GUCD1: variants seen among roughly 807,000 people sequenced by gnomAD.
GUCD1 encodes protein GUCD1.
Under a neutral mutation model 28.3 loss-of-function variants are expected in GUCD1, and 17 were observed. That is an observed-to-expected ratio of 0.60 (90% CI 0.41 to 0.90). The LOEUF (loss-of-function observed/expected upper bound fraction) is 0.90, where lower values mean the gene tolerates loss of function less well. Among genes scored for constraint, GUCD1 ranks in the 40% least tolerant of loss-of-function variants. The probability of loss-of-function intolerance (pLI) is 0.00; values close to 1 mark genes in which losing one functional copy is unlikely to be tolerated. For missense variants in GUCD1, 279 were observed against 305.5 expected, an observed-to-expected ratio of 0.91 and a Z score of 0.65; for synonymous variants, 129 against 123.3, an observed-to-expected ratio of 1.05 and a Z score of -0.30.
At chr22:24,549,660 G>A (rs559982218) in intron 1 of GUCD1, among the ~76,000 whole-genome samples, 1 of 152,218 alleles carries the variant, frequency 6.6e-6, no homozygotes, top group Non-Finnish European at 1.5e-5. Context: ...GTCCACAGGC[G>A]TGCGCCACCA....
At chr22:24,543,490 G>A (rs1402854922) in intron 5 of GUCD1, among the ~76,000 whole-genome samples, 3 of 152,164 alleles carry the variant, frequency 2.0e-5, no homozygotes, top group African/African-American at 4.8e-5. Context: ...GGGTCTGGCC[G>A]GGCTTTTCTT....
chr22:24,551,978 C>T (rs2044887460), intron 1 of GUCD1, among the ~76,000 whole-genome samples: 1 of 152,210 alleles, frequency 6.6e-6, no homozygotes, highest in African/African-American at 2.4e-5. Flanking sequence ...TATAAAAGGG[C>T]TGGAGGAAAC....
chr22:24,547,101 C>G (rs1162741884), intron 3 of GUCD1, 96 bp from the exon 4 acceptor site: 8 of 974,316 alleles, frequency 8.2e-6, no homozygotes, highest in Non-Finnish European at 1.3e-5. Flanking sequence ...GAGGCAGAGA[C>G]AGCAGGAGGG....
intron 4 of GUCD1, 77 bp from the exon 5 acceptor site, chr22:24,544,160 T>G: frequency 6.5e-7 from 1 of 1,545,470 alleles, no homozygotes; most frequent in South Asian, 1.2e-5. Context: ...TGCTTGTGCC[T>G]GTTTCTCTGT....
rs1168456548 is a variant in GUCD1, at chr22:24,542,722, C to T, written c.*284G>A. The T allele has an allele frequency of 7.4e-6, 3 of 407,838 alleles. No homozygotes were observed. The highest frequency in any genetic ancestry group is 4.7e-5 in the South Asian group (2 of 42,232). The allele number at this position is 407,838 out of a possible 1,614,324, so 25.3% of individuals were successfully genotyped here. ...GGCTCAAAGGCAACAAGGGCACTGT[C>T]GGGACTGGACTTCCTGTGGGCGCAG... On this transcript the variant is annotated 3_prime_UTR_variant, in exon 6 of 6. Transcript: ENST00000435822.
At chr22:24,547,155 C>T in intron 3 of GUCD1, 150 bp from the exon 4 acceptor site, 1 of 638,602 alleles carries the variant, frequency 1.6e-6, no homozygotes, top group Non-Finnish European at 2.8e-6. Context: ...ATGCAGCAAG[C>T]CAGATCAGAA....
chr22:24,553,893 GT>G (rs1369974843), intron 1 of GUCD1, among the ~76,000 whole-genome samples: 1 of 152,360 alleles, frequency 6.6e-6, no homozygotes, highest in East Asian at 1.9e-4. Flanking sequence ...CTTGGCATCT[GT>G]CCCCATAACA....
chr22:24,552,371 C>A (rs2044899327), intron 1 of GUCD1, among the ~76,000 whole-genome samples: 2 of 152,208 alleles, frequency 1.3e-5, no homozygotes. Context: ...TATAGAAGCA[C>A]AAATGAACTG....
In GUCD1 at chr22:24,554,988, T is replaced by C. The variant is rs765526621; in HGVS notation, c.4A>G (p.Arg2Gly). M[R>G]TEAEAAGPPL... ...GGCCCCGCTGCCTCCGCCTCCGTCC[T>C]CATGACCCGGGCGGCGCGGGGCGCC... is the stretch of plus-strand genomic sequence containing the variant. The change falls in exon 1 of 6, where the codon AGG becomes GGG. Residue 2 changes from arginine (R) to glycine (G), a missense_variant. Arg to Gly is a moderately radical substitution (Grantham distance 125). Coordinates refer to ENST00000435822, the MANE Select transcript of GUCD1 (RefSeq NM_001284254.2). 4 of 1,535,338 alleles carry C rather than the reference T, an allele frequency of 2.6e-6. No individual in the cohort carries two copies. The highest frequency in any genetic ancestry group is 2.9e-5 in the African/African-American group (2 of 68,800).
intron 1 of GUCD1, among the ~76,000 whole-genome samples, chr22:24,549,555 A>G (rs929888763): frequency 6.6e-6 from 1 of 152,108 alleles, no homozygotes; most frequent in Non-Finnish European, 1.5e-5. Context: ...TCTGTCGCAC[A>G]GGCTGGAGTG....
intron 1 of GUCD1, among the ~76,000 whole-genome samples, chr22:24,550,335 A>G (rs2044839315): frequency 6.6e-6 from 1 of 152,192 alleles, no homozygotes. Flanking sequence ...ACATAGCAAA[A>G]TAGAGGCCTA....
chr22:24,543,061 G>A lies in GUCD1; in HGVS notation c.665C>T (p.Ala222Val). 6.2e-7 allele frequency: 1 copy of A among 1,614,012 alleles called. No homozygotes were observed. The highest frequency in any genetic ancestry group is 8.5e-7 in the Non-Finnish European group (1 of 1,179,894). ...CTCATCTGTGCCATAGCTGGTTCTG[G>A]CCTCCTCAAAGTTACTGATGCTGGT... ...CSTSISNFEE[A>V]RTSYGTDEDI... Residue 222 changes from alanine to valine, a missense_variant, in exon 6 of 6, where the codon GCC becomes GTC. Physicochemically the swap from Ala to Val is moderately conservative, Grantham distance 64. Transcript: ENST00000435822.
intron 5 of GUCD1, 79 bp from the exon 6 acceptor site, chr22:24,543,176 A>T (rs2044637031): frequency 4.0e-6 from 4 of 1,011,442 alleles, no homozygotes; most frequent in South Asian, 2.6e-5. Context: ...TGCCCAGGGG[A>T]GCTGAGTGAG....
chr22:24,549,038 G>C, intron 1 of GUCD1, 37 bp from the exon 2 acceptor site: 1 of 1,457,648 alleles, frequency 6.9e-7, no homozygotes, highest in Non-Finnish European at 9.4e-7. Context: ...GACCCTCAGC[G>C]CAGAGCCCAC....
At chr22:24,552,264 C>T (rs1308581221) in intron 1 of GUCD1, among the ~76,000 whole-genome samples, 3 of 151,946 alleles carry the variant, frequency 2.0e-5, no homozygotes, top group Non-Finnish European at 4.4e-5. Context: ...GAGTTTCAGA[C>T]CAGTTCGAGC....
At position 24,542,569 on chromosome 22, in the gene GUCD1, TG is replaced by T; in HGVS notation, c.*436del. 5.9e-6 allele frequency: 1 copy of T among 168,112 alleles called. No homozygotes were observed. Among genetic ancestry groups the T allele is most frequent in the Non-Finnish European group, 1.3e-5 (1 of 77,542 alleles). The allele number at this position is 168,112 out of a possible 1,614,324, so 10.4% of individuals were successfully genotyped here. A position where few individuals can be genotyped will look rare whatever the true frequency, so the allele number is the denominator to read the frequency against. ...AGGGGCCTGGAGGGGTCCTCAGCCC[TG>T]GGGGATTGGGGTCAGCTATGCTGTC... On this transcript the variant is annotated 3_prime_UTR_variant, in exon 6 of 6. Coordinates refer to ENST00000435822, the MANE Select transcript of GUCD1 (RefSeq NM_001284254.2).
chr22:24,545,120 C>G (rs1392550907), intron 4 of GUCD1, among the ~76,000 whole-genome samples: 1 of 152,054 alleles, frequency 6.6e-6, no homozygotes, highest in Non-Finnish European at 1.5e-5. Context: ...GCTCCTGCAT[C>G]TTTGCTGGAG....
At chr22:24,543,151 ACAC>A in intron 5 of GUCD1, 54 bp from the exon 6 acceptor site, 1 of 1,236,380 alleles carries the variant, frequency 8.1e-7, no homozygotes, top group Non-Finnish European at 1.2e-6. Flanking sequence ...GAGAGCACCT[ACAC>A]CACCGACACA....
At chr22:24,544,649 G>C (rs1268026303) in intron 4 of GUCD1, among the ~76,000 whole-genome samples, 1 of 152,108 alleles carries the variant, frequency 6.6e-6, no homozygotes, top group Non-Finnish European at 1.5e-5. Flanking sequence ...CATCTACCTG[G>C]AGCCTCCCTC....
Sources: gnomAD v4.1 joint callset for allele counts (sites outside exome capture counted in the v4.1 genomes callset) on GRCh38, gnomAD v4.1.1 for gene constraint, MANE v1.5 for transcripts, NCBI Gene and HGNC (gene_info 2026-07-23, HGNC 2026-07-21) for gene names.